Variants in USP1 observed in about 807,000 individuals in gnomAD.
USP1 encodes the protein ubiquitin carboxyl-terminal hydrolase 1.
USP1 carries 18 observed loss-of-function variants against 72.2 expected under a neutral mutation model. The observed-to-expected ratio is 0.25, with a 90% confidence interval of 0.17 to 0.37. USP1 has a LOEUF of 0.37. Ranked by LOEUF, USP1 falls within the 10% of genes least tolerant of loss-of-function variation. The pLI, the probability that USP1 is intolerant of heterozygous loss-of-function variation, is 1.00. For missense variants in USP1, 759 were observed against 884.9 expected, an observed-to-expected ratio of 0.86 and a Z score of 1.81; for synonymous variants, 354 against 303.7, an observed-to-expected ratio of 1.17 and a Z score of -1.72.
Position 62,439,986 on chromosome 1 carries a change from C to T in USP1, c.119C>T (p.Thr40Ile). ...GAAACTAAGAGAGCTTTGGATTTCA[C>T]AGATTCTCAAGAAAATGAAGAAAAA... Reference protein sequence around the residue: ...KKETKRALDFTDSQENEEKAS... With the variant: ...KKETKRALDFIDSQENEEKAS... Residue 40 changes from threonine (T) to isoleucine (I), a missense_variant, in exon 2 of 9, where the codon ACA (threonine) becomes ATA (isoleucine). Around this residue, in one of 9 missense-constraint regions of USP1, gnomAD observed 86 missense variants for 82.0 expected, o/e 1.05. Transcript: ENST00000339950. 1 of 1,552,280 alleles carries T rather than the reference C, an allele frequency of 6.4e-7. No homozygotes were observed. Among genetic ancestry groups the T allele is most frequent in the South Asian group, 1.3e-5 (1 of 79,748 alleles).
At position 62,439,888 on chromosome 1, in the gene USP1, T is replaced by G; in HGVS notation, c.21T>G (p.Ser7Arg). MPGVIP[S>R]ESNGLSRGSP... The stretch of plus-strand genomic sequence containing the variant: ...AAAAAATGCCTGGTGTCATACCTAG[T>G]GAAAGTAATGGACTTTCAAGAGGTA... Residue 7 changes from serine (S) to arginine (R), a missense_variant, in exon 2 of 9, where the codon AGT becomes AGG. Physicochemically the swap from Ser to Arg is moderately radical, Grantham distance 110 (BLOSUM62 -1). Coordinates refer to ENST00000339950, the MANE Select transcript of USP1 (RefSeq NM_003368.5). 1 of 1,498,728 alleles carries G rather than the reference T, an allele frequency of 6.7e-7. No individual in the cohort carries two copies. Among genetic ancestry groups the G allele is most frequent in the Non-Finnish European group, 8.9e-7 (1 of 1,127,816 alleles). 92.8% of individuals were successfully genotyped at this position (1,498,728 alleles called of 1,614,324 possible).
At chr1:62,447,871 C>T (rs1286414015) in intron 7 of USP1, among the ~76,000 whole-genome samples, 1 of 152,090 alleles carries the variant, frequency 6.6e-6, no homozygotes, top group Non-Finnish European at 1.5e-5. Context: ...ACTGCAAGCT[C>T]CGCCTTCTGG....
In USP1 at chr1:62,445,423, A is replaced by C; in HGVS notation, c.1243A>C (p.Asn415His). 1 of 1,550,998 alleles carries C rather than the reference A, an allele frequency of 6.4e-7. No individual in the cohort carries two copies. Among genetic ancestry groups the C allele is most frequent in the East Asian group, 2.3e-5 (1 of 44,248 alleles). The change falls in exon 6 of 9, where the codon AAC becomes CAC. Residue 415 changes from asparagine to histidine, a missense_variant. Physicochemically the swap from Asn to His is moderately conservative, Grantham distance 68 (BLOSUM62 1). Around this residue, in one of 9 missense-constraint regions of USP1, gnomAD observed 245 missense variants for 240.7 expected, o/e 1.02. Coordinates refer to ENST00000339950, the MANE Select transcript of USP1 (RefSeq NM_003368.5). Reference protein sequence around the residue: ...PVNVNEVKPINKGEEQIGFEL... With the variant: ...PVNVNEVKPIHKGEEQIGFEL... ...AAATGTTAATGAAGTTAAACCCATA[A>C]ACAAAGGTTAGTATAATTCTTAGAC... is the stretch of plus-strand genomic sequence containing the variant.
At chr1:62,444,205 G>A (rs892721295) in intron 5 of USP1, among the ~76,000 whole-genome samples, 2 of 144,958 alleles carry the variant, frequency 1.4e-5, no homozygotes, top group East Asian at 4.1e-4. Context: ...GTTGCAGTGA[G>A]CCAAGATTGC....
intron 2 of USP1, among the ~76,000 whole-genome samples, chr1:62,440,954 C>T (rs1330908953): frequency 6.6e-6 from 1 of 151,886 alleles, no homozygotes; most frequent in Non-Finnish European, 1.5e-5. Context: ...AATTACATGT[C>T]AATGCCCCCA....
rs1557558292 is a variant in USP1 at position 62,448,538 on chromosome 1, TG to T, written c.1495del (p.Val499Ter). ...ISQFASVERI[V>X]GEDKYFCENC... ...CACAATTTGCTTCAGTAGAAAGGAT[TG>T]TAGGAGAAGATAAATATTTCTGTGA... On this transcript the variant is annotated frameshift_variant, in exon 8 of 9. Transcript: ENST00000339950. LOFTEE classifies it high-confidence loss of function. 6.2e-7 allele frequency: 1 copy of T among 1,613,948 alleles called. No individual in the cohort carries two copies. The highest frequency in any genetic ancestry group is 8.5e-7 in the Non-Finnish European group (1 of 1,179,934).
At chr1:62,440,722 A>G (rs1445158907) in intron 2 of USP1, among the ~76,000 whole-genome samples, 1 of 152,230 alleles carries the variant, frequency 6.6e-6, no homozygotes, top group African/African-American at 2.4e-5. Context: ...TTTGTTTATC[A>G]GCATTCATAC....
At chr1:62,440,223 A>G (rs1421508151) in intron 2 of USP1, among the ~76,000 whole-genome samples, 186 bp downstream of exon 2, 1 of 152,216 alleles carries the variant, frequency 6.6e-6, no homozygotes, top group Non-Finnish European at 1.5e-5. Context: ...TAGGAATCAC[A>G]TCGATAATGT....
rs372954976 is a variant in USP1 at position 62,450,849 on chromosome 1, G to A, written c.2226G>A (p.Glu742=). ...CATACGTAGTGCAAAGCTTAAAGGA[G>A]TATGAGGGGAAGTGGTTGCTTTTTG... The part of the protein sequence containing the change: ...KISYVVQSLK[E]YEGKWLLFDD... The change falls in exon 9 of 9, where the codon GAG becomes GAA. Residue 742 remains glutamate (E), a synonymous_variant. Transcript: ENST00000339950. 4.3e-6 allele frequency: 7 copies of A among 1,613,982 alleles called. No individual in the cohort carries two copies. In the African/African-American group the frequency reaches 5.3e-5, roughly 12 times the overall value.
chr1:62,445,052 A>G lies in USP1; in HGVS notation c.872A>G (p.Gln291Arg). Reference protein sequence around the residue: ...KKKVKLSKEHQSLEENQRQTR... With the variant: ...KKKVKLSKEHRSLEENQRQTR... ...AAAGTTAAATTATCCAAGGAACACC[A>G]GTCATTGGAAGAGAACCAGAGACAA... is the stretch of plus-strand genomic sequence containing the variant. The change falls in exon 6 of 9, where the codon CAG (glutamine) becomes CGG (arginine). Residue 291 changes from glutamine to arginine, a missense_variant. Physicochemically the swap from Gln to Arg is conservative, Grantham distance 43. Transcript: ENST00000339950. 2 of 1,612,796 alleles carry G rather than the reference A, an allele frequency of 1.2e-6. No homozygotes were observed. Among genetic ancestry groups the G allele is most frequent in the Non-Finnish European group, 1.7e-6 (2 of 1,179,718 alleles).
chr1:62,439,416 C>A (rs1283851169), intron 1 of USP1, among the ~76,000 whole-genome samples: 3 of 152,222 alleles, frequency 2.0e-5, no homozygotes, highest in African/African-American at 4.8e-5. Context: ...AACTCCTGAC[C>A]TCGTGATCCA....
At chr1:62,438,974 C>G (rs1218199352) in intron 1 of USP1, among the ~76,000 whole-genome samples, 2 of 152,192 alleles carry the variant, frequency 1.3e-5, no homozygotes, top group Admixed American at 1.3e-4. Context: ...AACACCATCT[C>G]TATGCCTTGA....
intron 1 of USP1, among the ~76,000 whole-genome samples, chr1:62,439,529 T>C (rs1645117647): frequency 6.6e-6 from 1 of 152,240 alleles, no homozygotes; most frequent in African/African-American, 2.4e-5. Flanking sequence ...ACTGTAGGTC[T>C]ACTAAATAGG....
chr1:62,443,421 T>C, intron 5 of USP1, 102 bp downstream of exon 5: 5 of 1,211,210 alleles, frequency 4.1e-6, no homozygotes, highest in Non-Finnish European at 5.5e-6. Context: ...GCAAGGAAAG[T>C]AGAAACTCTA....
At position 62,450,477 on chromosome 1, in the gene USP1, G is replaced by A. The variant is rs1373978554; in HGVS notation, c.1854G>A (p.Met618Ile). ...AAGGAAATTTTGTGGTTGACCAAAT[G>A]TGTGAAATAGGTAAGCCAGAACCAT... ...LDKGNFVVDQ[M>I]CEIGKPEPLN... Residue 618 changes from methionine to isoleucine, a missense_variant, in exon 9 of 9, where the codon ATG becomes ATA. Around this residue, in one of 9 missense-constraint regions of USP1, gnomAD observed 159 missense variants for 140.9 expected, o/e 1.13. Coordinates refer to ENST00000339950, the MANE Select transcript of USP1 (RefSeq NM_003368.5). 14 of 1,614,002 alleles carry A rather than the reference G, an allele frequency of 8.7e-6. No homozygotes were observed. In the East Asian group the frequency reaches 3.1e-4, roughly 36 times the overall value.
At position 62,437,849 on chromosome 1, in the gene USP1, C is replaced by T. The variant is rs529324464; in HGVS notation, c.-70+449C>T. 3.3e-5 allele frequency among the ~76,000 whole-genome samples: 5 copies of T among 152,338 alleles called. No individual in the cohort carries two copies. The South Asian group carries it at 6.2e-4, about 19-fold the overall frequency. On this transcript the variant is annotated intron_variant, in intron 1 of 8. Transcript: ENST00000339950. ...TTTTCAAGAAGTGTTTAGAACGCCG[C>T]GTGTCTTAAACCTTGGCGAAGATGT...
In USP1 at chr1:62,449,332, T is replaced by TA. The variant is rs1571140452; in HGVS notation, c.1622+668dup. The stretch of plus-strand genomic sequence containing the variant: ...GGCTAAATTCTTCCTAGTTTTAAGG[T>TA]AAGCCAGGAAATCAAACTAGTCTTT... On this transcript the variant is annotated intron_variant, in intron 8 of 8. Coordinates refer to ENST00000339950, the MANE Select transcript of USP1 (RefSeq NM_003368.5). Among the ~76,000 whole-genome samples the TA allele has an allele frequency of 2.0e-5, 3 of 152,200 alleles. No homozygotes were observed. In the East Asian group the frequency reaches 5.8e-4, roughly 29 times the overall value.
intron 8 of USP1, among the ~76,000 whole-genome samples, chr1:62,449,654 A>G (rs1367922764): frequency 1.3e-5 from 2 of 152,120 alleles, no homozygotes; most frequent in Admixed American, 6.6e-5. Context: ...GGTGGCTCAC[A>G]CCTGTAATCC....
At position 62,437,082 on chromosome 1, in the gene USP1, G is replaced by A; in HGVS notation, c.-388G>A. 2.5e-6 allele frequency: 1 copy of A among 398,948 alleles called. No homozygotes were observed. Among genetic ancestry groups the A allele is most frequent in the Non-Finnish European group, 4.4e-6 (1 of 226,002 alleles). 24.7% of individuals were successfully genotyped at this position (398,948 alleles called of 1,614,324 possible). A position where few individuals can be genotyped will look rare whatever the true frequency, so the allele number is the denominator to read the frequency against. On this transcript the variant is annotated 5_prime_UTR_variant, in exon 1 of 9. Coordinates refer to ENST00000339950, the MANE Select transcript of USP1 (RefSeq NM_003368.5). ...GCCAAGTTCCCCTCGGTGGCGGAGT[G>A]CTAAAGACCCTAGCGGTTCAGGCGT...
Sources: allele counts gnomAD v4.1 joint callset (sites outside exome capture counted in the v4.1 genomes callset), GRCh38; gene constraint gnomAD v4.1.1; regional missense constraint gnomAD v4.1.1; transcripts MANE v1.5; gene names NCBI Gene and HGNC (gene_info 2026-07-23, HGNC 2026-07-21).